R3HDM1: variants seen among roughly 807,000 people sequenced by gnomAD.
R3HDM1 encodes the protein R3H domain containing 1, also known as R3H domain-containing protein 1.
Under a neutral mutation model 141.1 loss-of-function variants are expected in R3HDM1, and 46 were observed. That is an observed-to-expected ratio of 0.33 (90% CI 0.26 to 0.42). The LOEUF is 0.42. Ranked by LOEUF, R3HDM1 falls within the 10% of genes least tolerant of loss-of-function variation. The pLI, the probability that R3HDM1 is intolerant of heterozygous loss-of-function variation, is 1.00. For synonymous variants in R3HDM1, 435 were observed against 472.9 expected, an observed-to-expected ratio of 0.92 and a Z score of 1.04; for missense variants, 1,184 against 1,368.3, an observed-to-expected ratio of 0.87 and a Z score of 2.12.
intron 20 of R3HDM1, among the ~76,000 whole-genome samples, chr2:135,678,324 G>A (rs1001919140): frequency 2.0e-5 from 3 of 152,006 alleles, no homozygotes; most frequent in Admixed American, 2.0e-4. Context: ...TTCTAGAACT[G>A]AGTTTCTGGA....
At chr2:135,586,798 G>T in intron 1 of R3HDM1, 1 of 984,962 alleles carries the variant, frequency 1.0e-6, no homozygotes, top group African/African-American at 1.7e-5. Context: ...TGGTTTACCT[G>T]TGTGCTAATT....
intron 18 of R3HDM1, among the ~76,000 whole-genome samples, chr2:135,661,020 G>A (rs1397170698): frequency 6.6e-6 from 1 of 151,984 alleles, no homozygotes; most frequent in Admixed American, 6.6e-5. Flanking sequence ...GTTTGGTTTT[G>A]TAAGAGAGAG....
At chr2:135,581,116 A>G (rs1706707813) in intron 1 of R3HDM1, 1 of 877,106 alleles carries the variant, frequency 1.1e-6, no homozygotes, top group Middle Eastern at 5.9e-4. Flanking sequence ...AAGGCAGCAG[A>G]ACCATTTTAA....
chr2:135,652,315 G>C (rs1207479569), intron 18 of R3HDM1, among the ~76,000 whole-genome samples: 1 of 152,150 alleles, frequency 6.6e-6, no homozygotes, highest in Non-Finnish European at 1.5e-5. Flanking sequence ...ACACAATAAA[G>C]TGTAAATCCA....
At chr2:135,592,703 G>T (rs556584678) in intron 1 of R3HDM1, among the ~76,000 whole-genome samples, 3 of 151,502 alleles carry the variant, frequency 2.0e-5, no homozygotes, top group Admixed American at 6.6e-5. Context: ...TGACTAGATG[G>T]TAATACCAGT....
intron 1 of R3HDM1, among the ~76,000 whole-genome samples, chr2:135,554,424 GGGTTGTTTCTGTTTTTT>G (rs1400124883): frequency 3.3e-5 from 5 of 152,120 alleles, no homozygotes; most frequent in African/African-American, 1.2e-4. Context: ...GTGGATATTT[GGGTTGTTTCTGTTTTTT>G]GGTTATTGTG....
chr2:135,680,929 G>C (rs1482305682), intron 21 of R3HDM1, among the ~76,000 whole-genome samples: 1 of 152,122 alleles, frequency 6.6e-6, no homozygotes, highest in Non-Finnish European at 1.5e-5. Context: ...TAATATTTAA[G>C]GTTTTTATAG....
intron 1 of R3HDM1, among the ~76,000 whole-genome samples, chr2:135,600,682 C>T (rs1032046683): frequency 6.6e-6 from 1 of 152,190 alleles, no homozygotes; most frequent in Non-Finnish European, 1.5e-5. Context: ...TTGACTCCTT[C>T]CCAGGCAATA....
intron 21 of R3HDM1, among the ~76,000 whole-genome samples, chr2:135,684,218 G>A (rs924434396): frequency 1.1e-4 from 17 of 151,950 alleles, no homozygotes; most frequent in Non-Finnish European, 2.2e-4. Context: ...AGCCTCCCGA[G>A]TAGCTGGGAC....
chr2:135,675,277 A>T, intron 19 of R3HDM1, 55 bp from the exon 20 acceptor site: 1 of 1,486,428 alleles, frequency 6.7e-7, no homozygotes. Flanking sequence ...TTTTTTTTAA[A>T]TCTTACTAGA....
chr2:135,555,485 A>G (rs1700579555), intron 1 of R3HDM1, among the ~76,000 whole-genome samples: 1 of 152,162 alleles, frequency 6.6e-6, no homozygotes, highest in East Asian at 1.9e-4. Context: ...CATTTTGGTG[A>G]GTCTGGAAGT....
intron 15 of R3HDM1, among the ~76,000 whole-genome samples, chr2:135,643,289 G>T (rs1336496491): frequency 6.6e-6 from 1 of 151,954 alleles, no homozygotes; most frequent in African/African-American, 2.4e-5. Context: ...ATCTATAACT[G>T]TCACACAAAT....
intron 1 of R3HDM1, among the ~76,000 whole-genome samples, chr2:135,567,557 A>G (rs1289603832): frequency 6.6e-6 from 1 of 152,168 alleles, no homozygotes; most frequent in Non-Finnish European, 1.5e-5. Context: ...CCTAGAGTAT[A>G]TCAAGTTGCA....
intron 1 of R3HDM1, among the ~76,000 whole-genome samples, chr2:135,552,423 T>G (rs1006256044): frequency 6.6e-6 from 1 of 152,080 alleles, no homozygotes; most frequent in African/African-American, 2.4e-5. Flanking sequence ...CTCGAACTCC[T>G]GACCTCAAGT....
At chr2:135,547,703 C>T (rs1054818979) in intron 1 of R3HDM1, among the ~76,000 whole-genome samples, 31 of 151,146 alleles carry the variant, frequency 2.1e-4, no homozygotes, top group Admixed American at 1.8e-3. Flanking sequence ...GATATTTTCC[C>T]GAGGAAGGTT....
At chr2:135,689,292 T>C (rs1341116141) in intron 21 of R3HDM1, among the ~76,000 whole-genome samples, 2 of 152,208 alleles carry the variant, frequency 1.3e-5, no homozygotes, top group East Asian at 1.9e-4. Flanking sequence ...TGTTTATTAG[T>C]AGATTTTCAT....
intron 1 of R3HDM1, among the ~76,000 whole-genome samples, chr2:135,544,072 A>T (rs1698189201): frequency 6.6e-6 from 1 of 152,194 alleles, no homozygotes; most frequent in South Asian, 2.1e-4. Flanking sequence ...ATCTCCTTTT[A>T]GGGATTTTGT....
intron 3 of R3HDM1, among the ~76,000 whole-genome samples, chr2:135,609,751 T>C (rs2060366849): frequency 6.6e-6 from 1 of 151,996 alleles, no homozygotes; most frequent in African/African-American, 2.4e-5. Flanking sequence ...TTACAATTAG[T>C]CTAAATTAGC....
chr2:135,676,736 G>A (rs1216580162), intron 20 of R3HDM1, among the ~76,000 whole-genome samples: 16 of 152,182 alleles, frequency 1.1e-4, no homozygotes, highest in African/African-American at 3.4e-4. Flanking sequence ...ACTTGAACCC[G>A]GGAGGCGAAG....
Sources: gnomAD v4.1 joint callset for allele counts (sites outside exome capture counted in the v4.1 genomes callset) on GRCh38, gnomAD v4.1.1 for gene constraint, MANE v1.5 for transcripts, NCBI Gene and HGNC (gene_info 2026-07-23, HGNC 2026-07-21) for gene names.